TRAPPC11: variants seen among roughly 807,000 people sequenced by gnomAD.
The protein encoded by TRAPPC11 is trafficking protein particle complex subunit 11.
In TRAPPC11, 104 loss-of-function variants were observed where a neutral mutation model predicts 151.2. The ratio of observed to expected loss-of-function variants is 0.69; its 90% CI spans 0.59 to 0.81. TRAPPC11 has a LOEUF of 0.81. Among genes scored for constraint, TRAPPC11 ranks in the 30% least tolerant of loss-of-function variants. TRAPPC11 has a pLI of 0.00. For synonymous variants in TRAPPC11, 456 were observed against 472.3 expected (o/e 0.97, Z 0.45); for missense variants, 1,230 against 1,349.6 (o/e 0.91, Z 1.39).
At chr4:183,687,337 C>CT (rs34469478) in intron 18 of TRAPPC11, among the ~76,000 whole-genome samples, 3 of 150,882 alleles carry the variant, frequency 2.0e-5, no homozygotes, top group Non-Finnish European at 4.4e-5. Flanking sequence ...TATATATATA[C>CT]TTTTTTTTTC....
intron 1 of TRAPPC11, among the ~76,000 whole-genome samples, chr4:183,661,977 C>T (rs1734574733): frequency 6.6e-6 from 1 of 151,874 alleles, no homozygotes; most frequent in Non-Finnish European, 1.5e-5. Flanking sequence ...GTTTCCCAGG[C>T]CAGTCTTGAA....
At position 183,682,750 on chromosome 4, in the gene TRAPPC11, A is replaced by G; in HGVS notation, c.1132A>G (p.Asn378Asp). 1 of 1,613,318 alleles carries G rather than the reference A, an allele frequency of 6.2e-7. No individual in the cohort carries two copies. Among genetic ancestry groups the G allele is most frequent in the East Asian group, 2.2e-5 (1 of 44,834 alleles). The change falls in exon 11 of 30, where the codon AAT (asparagine) becomes GAT (aspartate). Residue 378 changes from asparagine to aspartate, a missense_variant. Asn to Asp is a conservative substitution (Grantham distance 23). Coordinates refer to ENST00000334690, the MANE Select transcript of TRAPPC11 (RefSeq NM_021942.6). ...CNHEASVMYP[N>D]PDPLETQTGV... ...TTTACAGGCTTCTGTAATGTATCCC[A>G]ATCCTGATCCCTTAGAAACACAAAC...
chr4:183,663,653 G>A (rs1192232720), intron 1 of TRAPPC11, among the ~76,000 whole-genome samples, 194 bp from the exon 2 acceptor site: 1 of 151,676 alleles, frequency 6.6e-6, no homozygotes, highest in African/African-American at 2.4e-5. Context: ...GTATGCGTGA[G>A]CCACCATGCC....
chr4:183,663,279 G>A (rs1371969176), intron 1 of TRAPPC11, among the ~76,000 whole-genome samples: 1 of 151,952 alleles, frequency 6.6e-6, no homozygotes, highest in Non-Finnish European at 1.5e-5. Flanking sequence ...TGTCATCCAG[G>A]CTAGAGTGCA....
chr4:183,713,336 A>G lies in TRAPPC11; in HGVS notation c.*692A>G, dbSNP rs1737416681. 1 of 152,634 alleles carries G rather than the reference A, an allele frequency of 6.6e-6. No homozygotes were observed. The highest frequency in any genetic ancestry group is 6.5e-5 in the Admixed American group (1 of 15,280). The allele number at this position is 152,634 out of a possible 1,614,324, so 9.5% of individuals were successfully genotyped here. A position where few individuals can be genotyped will look rare whatever the true frequency, so the allele number is the denominator to read the frequency against. ...AGTGCAAGGATTTGATTATAAACATAATTTCCTAGACTGAAAGTTTTTGGA... is the reference window on the plus strand; with the variant it reads ...AGTGCAAGGATTTGATTATAAACATGATTTCCTAGACTGAAAGTTTTTGGA... On this transcript the variant is annotated 3_prime_UTR_variant, in exon 30 of 30. Transcript: ENST00000334690.
intron 8 of TRAPPC11, among the ~76,000 whole-genome samples, chr4:183,678,836 T>G (rs890438426): frequency 1.3e-5 from 2 of 152,214 alleles, no homozygotes; most frequent in Admixed American, 6.5e-5. Context: ...CTTTGTTTCT[T>G]CCTTTTTTCC....
intron 5 of TRAPPC11, among the ~76,000 whole-genome samples, chr4:183,672,960 A>ATTTTTTTT (rs35637688): frequency 2.8e-4 from 37 of 131,022 alleles, no homozygotes; most frequent in African/African-American, 9.9e-4. Context: ...CCGTTCGCAA[A>ATTTTTTTT]TTTTTTTTTT....
At chr4:183,672,191 A>C (rs1333453592) in intron 5 of TRAPPC11, among the ~76,000 whole-genome samples, 2 of 152,236 alleles carry the variant, frequency 1.3e-5, no homozygotes, top group Non-Finnish European at 2.9e-5. Flanking sequence ...TGACCTGGGA[A>C]GGTTTAAGGA....
intron 27 of TRAPPC11, among the ~76,000 whole-genome samples, chr4:183,705,717 C>G (rs555996075): frequency 1.3e-5 from 2 of 152,304 alleles, no homozygotes; most frequent in Non-Finnish European, 2.9e-5. Flanking sequence ...TTAAATGTTT[C>G]TCTGTCCCTA....
chr4:183,666,404 G>A lies in TRAPPC11; in HGVS notation c.352G>A (p.Ala118Thr), dbSNP rs577423330. Residue 118 changes from alanine to threonine, a missense_variant, in exon 3 of 30, where the codon GCC becomes ACC. Physicochemically the swap from Ala to Thr is moderately conservative, Grantham distance 58. Transcript: ENST00000334690. Reference protein sequence around the residue: ...PQWKEKQSECATRVEIVRQSL... With the variant: ...PQWKEKQSECTTRVEIVRQSL... Reference sequence around the variant, plus strand: ...GTGGAAAGAAAAGCAGTCTGAGTGCGCCACCAGAGTGGAAATAGTCAGGTA... The same window carrying A: ...GTGGAAAGAAAAGCAGTCTGAGTGCACCACCAGAGTGGAAATAGTCAGGTA... 2.1e-5 allele frequency: 34 copies of A among 1,613,790 alleles called. No individual in the cohort carries two copies. Among genetic ancestry groups the A allele is most frequent in the East Asian group, 6.7e-5 (3 of 44,880 alleles).
intron 14 of TRAPPC11, 149 bp from the exon 15 acceptor site, chr4:183,684,547 C>T (rs934281493): frequency 1.0e-5 from 10 of 978,252 alleles, no homozygotes; most frequent in African/African-American, 3.3e-5. Context: ...AGAAATCTCA[C>T]GTTTAGCTAA....
At position 183,685,426 on chromosome 4, in the gene TRAPPC11, A is replaced by G. The variant is rs769988865; in HGVS notation, c.1762+23A>G. On this transcript the variant is annotated intron_variant, in intron 17 of 29. Transcript: ENST00000334690. ...TTGGTAGGTAGCTAACATCTACAGT[A>G]CTATTTCAGAGAAATTGTCTTATTT... is the stretch of plus-strand genomic sequence containing the variant. 9 of 1,595,556 alleles carry G rather than the reference A, an allele frequency of 5.6e-6. No individual in the cohort carries two copies. In the African/African-American group the frequency reaches 9.4e-5, roughly 17 times the overall value.
chr4:183,685,392 T>C lies in TRAPPC11; in HGVS notation c.1751T>C (p.Phe584Ser). ...SNIFTIGVQDFVPFVQCKAKF... is the reference protein window; with the variant it reads ...SNIFTIGVQDSVPFVQCKAKF... ...ATTTTCACAATAGGAGTACAGGACT[T>C]TGTGCCATTTGGTAGGTAGCTAACA... The change falls in exon 17 of 30, where the codon TTT becomes TCT. Residue 584 changes from phenylalanine to serine, a missense_variant. Coordinates refer to ENST00000334690, the MANE Select transcript of TRAPPC11 (RefSeq NM_021942.6). 1 of 1,613,206 alleles carries C rather than the reference T, an allele frequency of 6.2e-7. No individual in the cohort carries two copies. Among genetic ancestry groups the C allele is most frequent in the South Asian group, 1.1e-5 (1 of 91,062 alleles).
intron 1 of TRAPPC11, among the ~76,000 whole-genome samples, chr4:183,663,273 A>G (rs1273772470): frequency 1.3e-5 from 2 of 151,984 alleles, no homozygotes; most frequent in Admixed American, 6.6e-5. Flanking sequence ...TCCCTCTGTC[A>G]TCCAGGCTAG....
chr4:183,692,886 G>C (rs1174052446), intron 19 of TRAPPC11, 74 bp from the exon 20 acceptor site: 1 of 1,387,188 alleles, frequency 7.2e-7, no homozygotes. Context: ...AGTCGACGAT[G>C]TAATTTTGGT....
In TRAPPC11 at chr4:183,665,300, T is replaced by C. The variant is rs576759250; in HGVS notation, c.205-957T>C. 9.9e-5 allele frequency among the ~76,000 whole-genome samples: 15 copies of C among 152,130 alleles called. No homozygotes were observed. The South Asian group carries it at 2.9e-3, about 30-fold the overall frequency. ...TAGTAGAGACGGGGTTTCACCGTGT[T>C]AGCCAGGATGGTCTCGATCTCCTGA... On this transcript the variant is annotated intron_variant, in intron 2 of 29. Transcript: ENST00000334690.
In TRAPPC11 at chr4:183,678,618, A is replaced by G. The variant is rs1433753360; in HGVS notation, c.832-735A>G. On this transcript the variant is annotated intron_variant, in intron 8 of 29. Transcript: ENST00000334690. ...TTTAGTGTGATGTTGTTATTTGTAT[A>G]AAAACAATAGTTTTCTAGAAAGGCA... Among the ~76,000 whole-genome samples the G allele has an allele frequency of 5.3e-5, 8 of 152,346 alleles. No individual in the cohort carries two copies. In the East Asian group the frequency reaches 1.5e-3, roughly 29 times the overall value.
At chr4:183,665,929 C>CTTTTTT (rs11462767) in intron 2 of TRAPPC11, among the ~76,000 whole-genome samples, 1 of 137,888 alleles carries the variant, frequency 7.3e-6, no homozygotes. Context: ...AAATGGGCTA[C>CTTTTTT]TTTTTTTTTT....
At chr4:183,690,145 G>A (rs774045393) in intron 18 of TRAPPC11, among the ~76,000 whole-genome samples, 1 of 152,006 alleles carries the variant, frequency 6.6e-6, no homozygotes, top group Non-Finnish European at 1.5e-5. Flanking sequence ...GGAGGTTGTA[G>A]TGAGCTGAAA....
Sources: gnomAD v4.1 joint callset for allele counts (sites outside exome capture counted in the v4.1 genomes callset) on GRCh38, gnomAD v4.1.1 for gene constraint, MANE v1.5 for transcripts, NCBI Gene and HGNC (gene_info 2026-07-23, HGNC 2026-07-21) for gene names.